ASH1L: variants seen among roughly 807,000 people sequenced by gnomAD.
ASH1L encodes the protein ASH1 like histone lysine methyltransferase.
Under a neutral mutation model 269.0 loss-of-function variants are expected in ASH1L, and 23 were observed. That is an observed-to-expected ratio of 0.09 (90% CI 0.06 to 0.12). ASH1L has a LOEUF of 0.12. ASH1L is among the 10% of genes least tolerant of loss of function. The pLI is 1.00. For missense variants in ASH1L, 2,912 were observed against 3,567.8 expected, an observed-to-expected ratio of 0.82 and a Z score of 4.68; for synonymous variants, 1,187 against 1,253.5, an observed-to-expected ratio of 0.95 and a Z score of 1.12.
In ASH1L at chr1:155,360,419, G is replaced by C. The variant is rs955578590; in HGVS notation, c.6687-10C>G. 1.9e-6 allele frequency: 3 copies of C among 1,544,436 alleles called. No homozygotes were observed. The highest frequency in any genetic ancestry group is 1.7e-4 in the Middle Eastern group (1 of 5,916). On this transcript the variant is annotated splice_polypyrimidine_tract_variant and intron_variant, in intron 12 of 27. Transcript: ENST00000392403. ...TACTCCATTAACAGACCTGTAAAGA[G>C]AGAAAACAGAGTTATAAAGGCTGGA...
intron 5 of ASH1L, among the ~76,000 whole-genome samples, chr1:155,419,216 C>A (rs1376032542): frequency 2.0e-5 from 3 of 151,872 alleles, no homozygotes; most frequent in African/African-American, 7.3e-5. Context: ...GCCTGGGCAA[C>A]ATAGCAAGAC....
intron 12 of ASH1L, among the ~76,000 whole-genome samples, chr1:155,361,077 A>G (rs1213193542): frequency 6.6e-6 from 1 of 152,016 alleles, no homozygotes; most frequent in East Asian, 1.9e-4. Context: ...CGTCTCTACT[A>G]AAAATATAAA....
chr1:155,435,237 T>A (rs902733569), intron 5 of ASH1L, among the ~76,000 whole-genome samples: 1 of 152,136 alleles, frequency 6.6e-6, no homozygotes, highest in Non-Finnish European at 1.5e-5. Flanking sequence ...AACTAATCAA[T>A]AGTACTGAAA....
At chr1:155,405,829 CAAAAAAAAAA>C (rs201440660) in intron 6 of ASH1L, among the ~76,000 whole-genome samples, 157 of 77,084 alleles carry the variant, frequency 2.0e-3, no homozygotes, top group African/African-American at 5.5e-3. Context: ...TTCTCTGTGT[CAAAAAAAAAA>C]AAAAAAAAGT....
intron 6 of ASH1L, among the ~76,000 whole-genome samples, chr1:155,402,887 TAA>T (rs1658972121): frequency 7.9e-6 from 1 of 126,616 alleles, no homozygotes; most frequent in African/African-American, 3.2e-5. Context: ...TTTTTCAGCA[TAA>T]AAAGACATTG....
chr1:155,347,141 G>A (rs1226007181), intron 20 of ASH1L, among the ~76,000 whole-genome samples: 11 of 152,334 alleles, frequency 7.2e-5, no homozygotes, highest in African/African-American at 2.6e-4. Context: ...GCTCATGCCT[G>A]TAATCCCAAC....
rs768874704 is a variant in ASH1L at position 155,438,760 on chromosome 1, C to T, written c.5395G>A (p.Val1799Ile). 1.9e-6 allele frequency: 3 copies of T among 1,614,046 alleles called. No homozygotes were observed. In the African/African-American group the frequency reaches 4.0e-5, roughly 22 times the overall value. Reference protein sequence around the residue: ...SCSPHHIKRSVVEAMQRQARK... With the variant: ...SCSPHHIKRSIVEAMQRQARK... ...GCTTGGCGTTGCATAGCTTCCACTACACTTCTCTTGATATGATGGGGGGAA... is the reference window on the plus strand; with the variant it reads ...GCTTGGCGTTGCATAGCTTCCACTATACTTCTCTTGATATGATGGGGGGAA... The change falls in exon 5 of 28, where the codon GTA (valine) becomes ATA (isoleucine). Residue 1799 changes from valine (V) to isoleucine (I), a missense_variant. Around this residue, in one of 13 missense-constraint regions of ASH1L, gnomAD observed 789 missense variants for 897.6 expected, o/e 0.88. Coordinates refer to ENST00000392403, the MANE Select transcript of ASH1L (RefSeq NM_018489.3).
intron 10 of ASH1L, among the ~76,000 whole-genome samples, chr1:155,373,505 G>C (rs974729445): frequency 1.3e-5 from 2 of 152,030 alleles, no homozygotes; most frequent in Non-Finnish European, 2.9e-5. Flanking sequence ...ATGTTGCTTA[G>C]GCTGGTCTCA....
intron 1 of ASH1L, among the ~76,000 whole-genome samples, chr1:155,539,364 G>A (rs902607780): frequency 6.6e-6 from 1 of 151,992 alleles, no homozygotes. Flanking sequence ...CCAGAATATA[G>A]CAACAGCCCT....
chr1:155,392,219 A>G (rs1657989864), intron 7 of ASH1L, among the ~76,000 whole-genome samples: 1 of 152,144 alleles, frequency 6.6e-6, no homozygotes, highest in Admixed American at 6.6e-5. Flanking sequence ...TTCCCCTATT[A>G]GCATTTTATC....
In ASH1L at chr1:155,358,701, T is replaced by TA. The variant is rs111834895; in HGVS notation, c.6796-953dup. The stretch of plus-strand genomic sequence containing the variant: ...AGACTCCACCTCAAAAAAAAATTAA[T>TA]AAAAAAAAAAAAAAACATGAAATGC... On this transcript the variant is annotated intron_variant, in intron 13 of 27. Transcript: ENST00000392403. The TA allele has an allele frequency of 2.9e-3, 335 of 116,916 alleles. 2 individuals carry two copies. Among genetic ancestry groups the TA allele is most frequent in the Middle Eastern group, 0.017 (4 of 238 alleles). The allele number at this position is 116,916 out of a possible 1,614,324, so 7.2% of individuals were successfully genotyped here.
chr1:155,465,289 CAAAAAA>C (rs1171228344), intron 3 of ASH1L, among the ~76,000 whole-genome samples: 19 of 62,572 alleles, frequency 3.0e-4, no homozygotes, highest in Non-Finnish European at 5.0e-4. Flanking sequence ...TACAAATTAG[CAAAAAA>C]AAAAAAAAAA....
At chr1:155,382,735 T>C (rs1657091591) in intron 7 of ASH1L, among the ~76,000 whole-genome samples, 1 of 151,950 alleles carries the variant, frequency 6.6e-6, no homozygotes, top group South Asian at 2.1e-4. Flanking sequence ...TAGCTCTTTT[T>C]TTTTTTTCAA....
At chr1:155,416,047 C>T (rs755675737) in intron 5 of ASH1L, 124 bp from the exon 6 acceptor site, 111 of 719,802 alleles carry the variant, frequency 1.5e-4, no homozygotes, top group Non-Finnish European at 2.3e-4. Context: ...CCTTATCTGG[C>T]CATGTTTAAA....
intron 1 of ASH1L, among the ~76,000 whole-genome samples, chr1:155,554,425 C>T (rs1433732191): frequency 6.6e-6 from 1 of 151,854 alleles, no homozygotes; most frequent in Non-Finnish European, 1.5e-5. Context: ...GGCGTGTGCC[C>T]CCACACAGGG....
chr1:155,535,794 T>C (rs930471447), intron 1 of ASH1L, among the ~76,000 whole-genome samples: 2 of 151,940 alleles, frequency 1.3e-5, no homozygotes, highest in East Asian at 3.9e-4. Context: ...GGGTTGGGAG[T>C]TTGAGACCAG....
chr1:155,494,125 C>T (rs894763971), intron 2 of ASH1L, among the ~76,000 whole-genome samples: 10 of 151,992 alleles, frequency 6.6e-5, no homozygotes, highest in East Asian at 5.8e-4. Context: ...AATGTTAAAA[C>T]GGGCTGTCGG....
chr1:155,349,353 T>C lies in ASH1L; in HGVS notation c.7528A>G (p.Met2510Val), dbSNP rs768213061. The part of the protein sequence containing the change: ...YKTVEAFDAD[M>V]LKVFRNAEKY... ...TCAGCATTCCGAAAGACTTTGAGCA[T>C]GTCAGCATCAAAAGCTTCCACTGTC... is the stretch of plus-strand genomic sequence containing the variant. Residue 2510 changes from methionine to valine, a missense_variant, in exon 19 of 28, where the codon ATG (methionine) becomes GTG (valine). Met to Val is a conservative substitution (Grantham distance 21). Coordinates refer to ENST00000392403, the MANE Select transcript of ASH1L (RefSeq NM_018489.3). 5 of 1,613,924 alleles carry C rather than the reference T, an allele frequency of 3.1e-6. No homozygotes were observed. The South Asian group carries it at 5.5e-5, about 18-fold the overall frequency.
chr1:155,481,496 A>G lies in ASH1L; in HGVS notation c.1374T>C (p.Asp458=). Residue 458 remains aspartate (D), a synonymous_variant, in exon 3 of 28, where the codon GAT becomes GAC. Transcript: ENST00000392403. ...TTTCAAAAGTTTTGCTGGTGGCACT[A>G]TCTTTCAGGGATTCAGAAAGTTCCT... ...ESQELSESLK[D]SATSKTFEKN... The G allele has an allele frequency of 6.2e-7, 1 of 1,614,116 alleles. No individual in the cohort carries two copies. Among genetic ancestry groups the G allele is most frequent in the South Asian group, 1.1e-5 (1 of 91,074 alleles).
Sources: allele counts gnomAD v4.1 joint callset (sites outside exome capture counted in the v4.1 genomes callset), GRCh38; gene constraint gnomAD v4.1.1; regional missense constraint gnomAD v4.1.1; transcripts MANE v1.5; gene names NCBI Gene and HGNC (gene_info 2026-07-23, HGNC 2026-07-21).